Variants in XKR4 observed in about 807,000 individuals in gnomAD.
XKR4 encodes the protein XK related 4, also known as XK-related protein 4.
XKR4 carries 12 observed loss-of-function variants against 53.9 expected under a neutral mutation model. That is an observed-to-expected ratio of 0.22 (90% CI 0.14 to 0.36). The LOEUF (loss-of-function observed/expected upper bound fraction) is 0.36, where lower values mean the gene tolerates loss of function less well. Ranked by LOEUF, XKR4 falls within the 10% of genes least tolerant of loss-of-function variation. The probability of loss-of-function intolerance (pLI) is 1.00; values close to 1 mark genes in which losing one functional copy is unlikely to be tolerated. For missense variants in XKR4, 799 were observed against 859.5 expected, an observed-to-expected ratio of 0.93 and a Z score of 0.88; for synonymous variants, 354 against 362.4, an observed-to-expected ratio of 0.98 and a Z score of 0.26.
chr8:55,225,412 T>C (rs1817938783), intron 1 of XKR4, among the ~76,000 whole-genome samples: 1 of 152,208 alleles, frequency 6.6e-6, no homozygotes, highest in Non-Finnish European at 1.5e-5. Context: ...CTATTAGCCA[T>C]TTTGCATTGC....
Position 55,102,912 on chromosome 8 carries a change from C to T in XKR4, c.424C>T (p.Arg142Cys). Residue 142 changes from arginine (R) to cysteine (C), a missense_variant, in exon 1 of 3, where the codon CGC becomes TGC. Around this residue, in one of 3 missense-constraint regions of XKR4, gnomAD observed 476 missense variants for 505.4 expected, o/e 0.94. Coordinates refer to ENST00000327381, the MANE Select transcript of XKR4 (RefSeq NM_052898.2). The surrounding 1 kb of genome is among the most constrained non-coding windows in gnomAD (Gnocchi z 5.1). ...CGTGGACTACTACCTGCGCGGCCAG[C>T]GCTGGTGGTTCGGGCTCACGCTCTT... The part of the protein sequence containing the change: ...LAVDYYLRGQ[R>C]WWFGLTLFFV... 1 of 1,611,942 alleles carries T rather than the reference C, an allele frequency of 6.2e-7. No homozygotes were observed. The highest frequency in any genetic ancestry group is 1.1e-5 in the South Asian group (1 of 91,056).
chr8:55,377,311 G>A (rs1365361464), intron 2 of XKR4, among the ~76,000 whole-genome samples: 2 of 152,186 alleles, frequency 1.3e-5, no homozygotes. Context: ...GCAGGCACCT[G>A]GGAGAATTTG....
At chr8:55,151,058 A>G (rs552246332) in intron 1 of XKR4, among the ~76,000 whole-genome samples, 2 of 152,342 alleles carry the variant, frequency 1.3e-5, no homozygotes, top group East Asian at 3.9e-4. Flanking sequence ...AGGAAGTTGA[A>G]TAACAGCAGT....
rs1806942134 is a variant in XKR4, at chr8:55,530,842, CA to C, written c.*6616del. On this transcript the variant is annotated 3_prime_UTR_variant, in exon 3 of 3. Transcript: ENST00000327381. ...AAAAAGAACAGGTAATTTTTGTGAT[CA>C]GGATTACACAATACACTTTTTTTTT... is the stretch of plus-strand genomic sequence containing the variant. 6.6e-6 allele frequency: 1 copy of C among 151,954 alleles called. No homozygotes were observed. The highest frequency in any genetic ancestry group is 1.5e-5 in the Non-Finnish European group (1 of 67,998). 9.4% of individuals were successfully genotyped at this position (151,954 alleles called of 1,614,324 possible). A position where few individuals can be genotyped will look rare whatever the true frequency, so the allele number is the denominator to read the frequency against.
At chr8:55,129,411 G>C (rs1816523154) in intron 1 of XKR4, among the ~76,000 whole-genome samples, 1 of 152,260 alleles carries the variant, frequency 6.6e-6, no homozygotes, top group Non-Finnish European at 1.5e-5. Context: ...CTGATGAGGA[G>C]AGGTGGGGTT....
intron 1 of XKR4, among the ~76,000 whole-genome samples, chr8:55,285,934 C>G (rs1818902106): frequency 6.6e-6 from 1 of 152,228 alleles, no homozygotes; most frequent in Non-Finnish European, 1.5e-5. Context: ...ATTCAGGACA[C>G]TAAGAAGCAA....
At chr8:55,466,644 A>G (rs899147992) in intron 2 of XKR4, among the ~76,000 whole-genome samples, 2 of 152,092 alleles carry the variant, frequency 1.3e-5, no homozygotes, top group Non-Finnish European at 2.9e-5. Flanking sequence ...AATTAAAAAA[A>G]TATATATGGA....
At chr8:55,449,830 G>T in intron 2 of XKR4, 2 of 1,157,200 alleles carry the variant, frequency 1.7e-6, no homozygotes, top group Non-Finnish European at 1.3e-6. Context: ...TGCCCTCGTA[G>T]GACCTGTTCT....
At chr8:55,260,668 G>C (rs949801995) in intron 1 of XKR4, among the ~76,000 whole-genome samples, 27 of 152,190 alleles carry the variant, frequency 1.8e-4, no homozygotes, top group African/African-American at 6.3e-4. Flanking sequence ...AGGAGGTGGT[G>C]TCTGATTTAC....
chr8:55,268,807 G>A (rs564377110), intron 1 of XKR4, among the ~76,000 whole-genome samples: 1 of 152,270 alleles, frequency 6.6e-6, no homozygotes, highest in South Asian at 2.1e-4. Context: ...GAGGTGGAGA[G>A]TGTTTATCTA....
rs4407862 is a variant in XKR4 at position 55,536,602 on chromosome 8, C to A, written c.*12375C>A. The A allele has an allele frequency of 0.67, 102,048 of 151,998 alleles. 34,376 individuals are homozygous for A. Among genetic ancestry groups the A allele is most frequent in the East Asian group, 0.8 (4,134 of 5,174 alleles). The allele number at this position is 151,998 out of a possible 1,614,324, so 9.4% of individuals were successfully genotyped here. On this transcript the variant is annotated 3_prime_UTR_variant, in exon 3 of 3. Coordinates refer to ENST00000327381, the MANE Select transcript of XKR4 (RefSeq NM_052898.2). ...GTGTTTCTGGATAGACAGACTGCTCCGGTGTTGTAAGTAATGGAATTGAAC... is the reference window on the plus strand; with the variant it reads ...GTGTTTCTGGATAGACAGACTGCTCAGGTGTTGTAAGTAATGGAATTGAAC...
At chr8:55,515,303 G>T (rs921897564) in intron 2 of XKR4, among the ~76,000 whole-genome samples, 5 of 152,174 alleles carry the variant, frequency 3.3e-5, no homozygotes, top group African/African-American at 1.2e-4. Context: ...AATGGCTTCA[G>T]TGCAGGGATA....
At chr8:55,211,508 G>GAA (rs1242794555) in intron 1 of XKR4, among the ~76,000 whole-genome samples, 2 of 152,114 alleles carry the variant, frequency 1.3e-5, no homozygotes, top group African/African-American at 4.8e-5. Context: ...CTTTACTATG[G>GAA]TATGTCACTA....
intron 1 of XKR4, among the ~76,000 whole-genome samples, chr8:55,283,258 G>A (rs1818864357): frequency 6.6e-6 from 1 of 152,208 alleles, no homozygotes; most frequent in Non-Finnish European, 1.5e-5. Flanking sequence ...CTGGCATGGT[G>A]CTAAGTGCTT....
chr8:55,449,455 C>G (rs1189681848), intron 2 of XKR4: 1 of 858,358 alleles, frequency 1.2e-6, no homozygotes, highest in African/African-American at 1.7e-5. Context: ...GCCCTGCCCA[C>G]CCCTAGTGGT....
At chr8:55,450,666 G>T in intron 2 of XKR4, 1 of 596,854 alleles carries the variant, frequency 1.7e-6, no homozygotes, top group Non-Finnish European at 3.2e-6. Flanking sequence ...GTGTGAAGCC[G>T]CTGCTCTGTC....
chr8:55,372,300 A>T (rs1804079537), intron 2 of XKR4, among the ~76,000 whole-genome samples: 1 of 152,172 alleles, frequency 6.6e-6, no homozygotes, highest in Non-Finnish European at 1.5e-5. Context: ...TTAGCACTTC[A>T]CACCTTAGAG....
chr8:55,464,452 A>G (rs918957346), intron 2 of XKR4, among the ~76,000 whole-genome samples: 18 of 152,168 alleles, frequency 1.2e-4, no homozygotes, highest in Non-Finnish European at 2.2e-4. Flanking sequence ...ACTCTCAATA[A>G]ATTATGTATT....
chr8:55,344,689 C>T (rs528617113), intron 1 of XKR4, among the ~76,000 whole-genome samples: 5 of 152,258 alleles, frequency 3.3e-5, no homozygotes, highest in Middle Eastern at 6.8e-3. Flanking sequence ...TGCTATGAGG[C>T]GATGCGAGTG....
Sources: gnomAD v4.1 joint callset for allele counts (sites outside exome capture counted in the v4.1 genomes callset) on GRCh38, gnomAD v4.1.1 for gene constraint, gnomAD v4.1.1 regional missense constraint, Gnocchi (gnomAD v3.1) non-coding constraint, MANE v1.5 for transcripts, NCBI Gene and HGNC (gene_info 2026-07-23, HGNC 2026-07-21) for gene names.